The following DAPK1 variants were observed in gnomAD, a reference collection of about 807,000 sequenced individuals.
The protein encoded by DAPK1 is death-associated protein kinase 1.
Under a neutral mutation model 144.9 loss-of-function variants are expected in DAPK1, and 56 were observed. The ratio of observed to expected loss-of-function variants is 0.39; its 90% confidence interval spans 0.31 to 0.48. DAPK1 has a LOEUF of 0.48. Among genes scored for constraint, DAPK1 ranks in the 20% least tolerant of loss-of-function variants. The probability of loss-of-function intolerance (pLI) is 0.95; values close to 1 mark genes in which losing one functional copy is unlikely to be tolerated. For missense variants in DAPK1, 1,454 were observed against 1,875.4 expected (o/e 0.78, Z 4.15); for synonymous variants, 690 against 749.0 (o/e 0.92, Z 1.29).
At position 87,548,110 on chromosome 9, in the gene DAPK1, A is replaced by G. The variant is rs142681496; in HGVS notation, c.62+48971A>G. ...GTTATGCTAACTTCTCTAGGCAGCA[A>G]TAATGCAGCACAAAGAGTAAGGCTT... On this transcript the variant is annotated intron_variant, in intron 2 of 25. Transcript: ENST00000408954. Among the ~76,000 whole-genome samples the G allele has an allele frequency of 7.1e-3, 1,074 of 152,318 alleles. 8 individuals are homozygous for G. The highest frequency in any genetic ancestry group is 0.023 in the African/African-American group (958 of 41,566).
chr9:87,577,657 G>A lies in DAPK1; in HGVS notation c.63-27297G>A, dbSNP rs1006565825. On this transcript the variant is annotated intron_variant, in intron 2 of 25. Coordinates refer to ENST00000408954, the MANE Select transcript of DAPK1 (RefSeq NM_004938.4). Reference sequence around the variant, plus strand: ...TACTAAAAATACAAAAGTTAACTGGGCGTGGTGATGCAGGGCTGTAGTCCC... The same window carrying A: ...TACTAAAAATACAAAAGTTAACTGGACGTGGTGATGCAGGGCTGTAGTCCC... Among the ~76,000 whole-genome samples the A allele has an allele frequency of 6.6e-5, 10 of 152,302 alleles. No homozygotes were observed. The Middle Eastern group carries it at 0.014, about 207-fold the overall frequency.
chr9:87,640,697 G>T, intron 8 of DAPK1, 105 bp from the exon 9 acceptor site: 1 of 1,280,910 alleles, frequency 7.8e-7, no homozygotes, highest in Non-Finnish European at 1.1e-6. Flanking sequence ...TCCCTGAACT[G>T]CATTTTCCAC....
At chr9:87,595,153 A>G (rs1298363420) in intron 2 of DAPK1, among the ~76,000 whole-genome samples, 1 of 152,232 alleles carries the variant, frequency 6.6e-6, no homozygotes, top group Non-Finnish European at 1.5e-5. Flanking sequence ...GGACTTCAGA[A>G]TGCTTCAAAA....
intron 2 of DAPK1, among the ~76,000 whole-genome samples, chr9:87,549,090 C>T (rs1026314074): frequency 6.6e-6 from 1 of 152,002 alleles, no homozygotes; most frequent in African/African-American, 2.4e-5. Context: ...TGATGCTCTC[C>T]CTCCCTGCAT....
chr9:87,525,669 C>T (rs868612327), intron 2 of DAPK1, among the ~76,000 whole-genome samples: 4 of 151,908 alleles, frequency 2.6e-5, no homozygotes, highest in South Asian at 2.1e-4. Context: ...CTGAGGGCCT[C>T]GGTTCCACCT....
intron 2 of DAPK1, among the ~76,000 whole-genome samples, chr9:87,604,151 G>GAA (rs1246877870): frequency 6.6e-6 from 1 of 152,060 alleles, no homozygotes; most frequent in Non-Finnish European, 1.5e-5. Flanking sequence ...ATGGTCCCAA[G>GAA]ACAGTTGGCA....
At position 87,525,224 on chromosome 9, in the gene DAPK1, TACCC is replaced by T. The variant is rs1825449943; in HGVS notation, c.62+26087_62+26090del. 6.1e-6 allele frequency: 6 copies of T among 989,598 alleles called. No individual in the cohort carries two copies. In the Admixed American group the frequency reaches 1.1e-4, roughly 18 times the overall value. The allele number at this position is 989,598 out of a possible 1,614,324, so 61.3% of individuals were successfully genotyped here. On this transcript the variant is annotated intron_variant, in intron 2 of 25. Transcript: ENST00000408954. ...AACTTTCTGCGTCTGTTTTTCACCC[TACCC>T]AATGCAGTGCTTACCTAAAAAATGC...
chr9:87,581,120 A>G (rs1475579616), intron 2 of DAPK1, among the ~76,000 whole-genome samples: 1 of 151,212 alleles, frequency 6.6e-6, no homozygotes, highest in Non-Finnish European at 1.5e-5. Flanking sequence ...ATCATCATGT[A>G]AAAGTCTGTT....
rs1303732058 is a variant in DAPK1, at chr9:87,589,826, C to T, written c.63-15128C>T. 2.0e-5 allele frequency among the ~76,000 whole-genome samples: 3 copies of T among 152,156 alleles called. No homozygotes were observed. In the East Asian group the frequency reaches 5.8e-4, roughly 29 times the overall value. On this transcript the variant is annotated intron_variant, in intron 2 of 25. Transcript: ENST00000408954. ...AGGGCCAGGATGTCCTGAAAAATAC[C>T]TTATTGAGGACACAGCATAAATACA...
chr9:87,520,460 T>C (rs1212174671), intron 2 of DAPK1, among the ~76,000 whole-genome samples: 2 of 152,168 alleles, frequency 1.3e-5, no homozygotes, highest in Non-Finnish European at 2.9e-5. Flanking sequence ...ACTCTTGTTC[T>C]CTGGGTTGCA....
At chr9:87,649,175 G>C (rs994995353) in intron 15 of DAPK1, among the ~76,000 whole-genome samples, 2 of 152,158 alleles carry the variant, frequency 1.3e-5, no homozygotes, top group Admixed American at 6.5e-5. Flanking sequence ...AATTGAGACA[G>C]GGAAAGTTTC....
rs200514264 is a variant in DAPK1, at chr9:87,707,114, G to A, written c.4043G>A (p.Gly1348Glu). The A allele has an allele frequency of 2.5e-6, 4 of 1,613,828 alleles. No individual in the cohort carries two copies. The South Asian group carries it at 4.4e-5, about 18-fold the overall frequency. ...DLVAKYNTSN[G>E]APKDFLPSPL... ...GTGGCAAAGTACAACACCAGTAACG[G>A]GGCTCCCAAGGATTTCCTCCCCAGC... Residue 1348 changes from glycine to glutamate, a missense_variant, in exon 26 of 26, where the codon GGG (glycine) becomes GAG (glutamate). This residue lies in a region of DAPK1 where 1,025 missense variants were observed against 1,237.9 expected (regional missense o/e 0.83). Transcript: ENST00000408954. The surrounding 1 kb of genome is among the most constrained non-coding windows in gnomAD (Gnocchi z 4.0).
intron 2 of DAPK1, among the ~76,000 whole-genome samples, chr9:87,524,063 C>T (rs188351345): frequency 6.6e-6 from 1 of 152,330 alleles, no homozygotes; most frequent in Admixed American, 6.5e-5. Context: ...GAAACAGGTA[C>T]AGCCCATGAG....
At position 87,684,248 on chromosome 9, in the gene DAPK1, G is replaced by A. The variant is rs137867916; in HGVS notation, c.2225-2303G>A. Among the ~76,000 whole-genome samples the A allele has an allele frequency of 6.6e-3, 1,000 of 152,296 alleles. 7 individuals carry two copies. Among genetic ancestry groups the A allele is most frequent in the Non-Finnish European group, 0.01 (699 of 68,016 alleles). On this transcript the variant is annotated intron_variant, in intron 20 of 25. Transcript: ENST00000408954. Reference sequence around the variant, plus strand: ...TTTGTTAGACACCCGAGGAACTGCCGCTCCTGAGCATGCCTCCAGGGACTG... The same window carrying A: ...TTTGTTAGACACCCGAGGAACTGCCACTCCTGAGCATGCCTCCAGGGACTG...
At chr9:87,648,473 C>T (rs1587808527) in intron 14 of DAPK1, 2 of 294,874 alleles carry the variant, frequency 6.8e-6, no homozygotes, top group Non-Finnish European at 1.3e-5. Flanking sequence ...GAGAAAATCA[C>T]ACAGCTAGAA....
At chr9:87,498,551 C>G (rs573512853) in intron 1 of DAPK1, 3 of 242,266 alleles carry the variant, frequency 1.2e-5, no homozygotes, top group East Asian at 7.9e-5. Flanking sequence ...GGGGTGCCAC[C>G]GTTGCCGCAG....
chr9:87,612,534 G>A (rs7044513), intron 3 of DAPK1, among the ~76,000 whole-genome samples: 64,771 of 152,040 alleles, frequency 0.43, 16,911 homozygotes, highest in African/African-American at 0.74. Context: ...TGTGATAGCA[G>A]GTTGTTGTTT....
At chr9:87,529,364 T>C (rs1314550103) in intron 2 of DAPK1, among the ~76,000 whole-genome samples, 3 of 152,222 alleles carry the variant, frequency 2.0e-5, no homozygotes, top group Non-Finnish European at 4.4e-5. Context: ...ACAGATTCGC[T>C]TCCAGTAACA....
chr9:87,691,129 A>C (rs2117960585), intron 21 of DAPK1, among the ~76,000 whole-genome samples: 1 of 151,946 alleles, frequency 6.6e-6, no homozygotes, highest in East Asian at 1.9e-4. Flanking sequence ...CCAAACCTGG[A>C]CTTCTCTTTT....
Sources: allele counts gnomAD v4.1 joint callset (sites outside exome capture counted in the v4.1 genomes callset), GRCh38; gene constraint gnomAD v4.1.1; regional missense constraint gnomAD v4.1.1; non-coding constraint Gnocchi (gnomAD v3.1); transcripts MANE v1.5; gene names NCBI Gene and HGNC (gene_info 2026-07-23, HGNC 2026-07-21).